Variants in GPC6 observed in about 807,000 individuals in gnomAD.
GPC6 encodes the protein glypican-6.
In GPC6, 14 loss-of-function variants were observed where a neutral mutation model predicts 55.2. The observed-to-expected ratio is 0.25, with a 90% CI of 0.17 to 0.40. The LOEUF (loss-of-function observed/expected upper bound fraction) is 0.40, where lower values mean the gene tolerates loss of function less well. Among genes scored for constraint, GPC6 ranks in the 10% least tolerant of loss-of-function variants. The probability of loss-of-function intolerance (pLI) is 1.00; values close to 1 mark genes in which losing one functional copy is unlikely to be tolerated. For missense variants in GPC6, 641 were observed against 708.5 expected (o/e 0.90, Z 1.08); for synonymous variants, 278 against 259.6 (o/e 1.07, Z -0.68).
chr13:93,432,839 C>T (rs1877412559), intron 1 of GPC6, among the ~76,000 whole-genome samples: 1 of 151,524 alleles, frequency 6.6e-6, no homozygotes, highest in South Asian at 2.1e-4. Flanking sequence ...AGGGTGAGGA[C>T]AGCAAAGACA....
intron 3 of GPC6, 143 bp downstream of exon 3, chr13:93,830,688 A>G (rs1887456920): frequency 1.4e-6 from 1 of 713,004 alleles, no homozygotes; most frequent in African/African-American, 1.8e-5. Context: ...TCAGTTAAAT[A>G]TCAAAGCATA....
intron 6 of GPC6, among the ~76,000 whole-genome samples, chr13:94,362,382 G>A (rs1384107150): frequency 6.6e-6 from 1 of 152,126 alleles, no homozygotes; most frequent in African/African-American, 2.4e-5. Context: ...TTAGAACTAT[G>A]GCCTTAACAT....
chr13:93,769,695 G>A (rs1261304602), intron 2 of GPC6, among the ~76,000 whole-genome samples: 1 of 152,138 alleles, frequency 6.6e-6, no homozygotes, highest in African/African-American at 2.4e-5. Flanking sequence ...TTTATGGGTG[G>A]CTTGGCACCT....
intron 5 of GPC6, among the ~76,000 whole-genome samples, chr13:94,289,411 A>C (rs752731216): frequency 6.6e-6 from 1 of 152,026 alleles, no homozygotes; most frequent in African/African-American, 2.4e-5. Context: ...TTTTTAGGAG[A>C]GTTGGCCTGT....
intron 2 of GPC6, among the ~76,000 whole-genome samples, chr13:93,737,625 A>C (rs1231645311): frequency 6.6e-6 from 1 of 152,184 alleles, no homozygotes; most frequent in Non-Finnish European, 1.5e-5. Context: ...TTACAATAGA[A>C]GATGAGTGAA....
At chr13:93,765,238 G>GGAAAGACAACTTTCCAGATAAGCTGTCTT (rs2138882913) in intron 2 of GPC6, among the ~76,000 whole-genome samples, 1 of 78,326 alleles carries the variant, frequency 1.3e-5, no homozygotes, top group Non-Finnish European at 3.7e-5. Context: ...TAAATTGTCT[G>GGAAAGACAACTTTCCAGATAAGCTGTCTT]GAAAGACAAC....
intron 3 of GPC6, among the ~76,000 whole-genome samples, chr13:93,961,637 T>G (rs895484358): frequency 6.6e-6 from 1 of 152,240 alleles, no homozygotes; most frequent in Non-Finnish European, 1.5e-5. Flanking sequence ...TGCTTTGATT[T>G]GGCCATGATG....
chr13:93,921,649 C>T (rs1877578618), intron 3 of GPC6, among the ~76,000 whole-genome samples: 1 of 151,474 alleles, frequency 6.6e-6, no homozygotes, highest in South Asian at 2.1e-4. Flanking sequence ...TCTACTGTTC[C>T]TCTGCTCTTC....
chr13:93,685,744 A>G (rs1481489272), intron 2 of GPC6, among the ~76,000 whole-genome samples: 1 of 152,126 alleles, frequency 6.6e-6, no homozygotes, highest in East Asian at 1.9e-4. Context: ...AAAAACAAAC[A>G]GCTCTTTTCC....
chr13:93,660,657 A>G lies in GPC6; in HGVS notation c.319+115236A>G, dbSNP rs549482341. Among the ~76,000 whole-genome samples the G allele has an allele frequency of 7.2e-5, 11 of 152,052 alleles. No homozygotes were observed. The South Asian group carries it at 2.3e-3, about 32-fold the overall frequency. On this transcript the variant is annotated intron_variant, in intron 2 of 8. Transcript: ENST00000377047. ...TACATTTTAGAATTCACCTCTGGGA[A>G]ACTCTTCTGTTCTTCTTTAGAGTTG... is the stretch of plus-strand genomic sequence containing the variant.
At chr13:94,329,507 C>A (rs1487534432) in intron 6 of GPC6, among the ~76,000 whole-genome samples, 1 of 152,198 alleles carries the variant, frequency 6.6e-6, no homozygotes, top group African/African-American at 2.4e-5. Flanking sequence ...GGTAGCATGT[C>A]CCAAATTACA....
At chr13:93,541,567 G>A (rs1263213445) in intron 1 of GPC6, among the ~76,000 whole-genome samples, 2 of 79,002 alleles carry the variant, frequency 2.5e-5, no homozygotes, top group African/African-American at 5.0e-5. Context: ...GGGTCAAATG[G>A]TATTTCTAGT....
rs144934894 is a variant in GPC6, at chr13:93,452,479, G to A, written c.161-92784G>A. Among the ~76,000 whole-genome samples the A allele has an allele frequency of 7.6e-4, 116 of 152,224 alleles. 3 individuals carry two copies. Among genetic ancestry groups the A allele is most frequent in the African/African-American group, 4.1e-4 (17 of 41,520 alleles). On this transcript the variant is annotated intron_variant, in intron 1 of 8. Transcript: ENST00000377047. ...AAAATATGATATCTTTTGCTTCAGC[G>A]CTTCTTTGAGAATTACTATCATATT...
chr13:93,457,318 A>C (rs990667819), intron 1 of GPC6, among the ~76,000 whole-genome samples: 2 of 152,150 alleles, frequency 1.3e-5, no homozygotes, highest in Non-Finnish European at 2.9e-5. Flanking sequence ...CCTTATCTTT[A>C]CCCAACTAAT....
At chr13:93,421,174 G>C (rs1173890335) in intron 1 of GPC6, among the ~76,000 whole-genome samples, 1 of 152,064 alleles carries the variant, frequency 6.6e-6, no homozygotes, top group African/African-American at 2.4e-5. Flanking sequence ...CTGTGAGACT[G>C]TTGGGCAAAT....
intron 4 of GPC6, among the ~76,000 whole-genome samples, chr13:94,028,913 C>T (rs543932069): frequency 6.6e-6 from 1 of 152,254 alleles, no homozygotes; most frequent in African/African-American, 2.4e-5. Context: ...AATGTGTTTT[C>T]TCCCCCTCTG....
At chr13:93,511,081 TTC>T (rs1489940744) in intron 1 of GPC6, among the ~76,000 whole-genome samples, 1 of 147,714 alleles carries the variant, frequency 6.8e-6, no homozygotes, top group Non-Finnish European at 1.5e-5. Flanking sequence ...TCCTTGAATA[TTC>T]TGGATGTTAG....
chr13:93,423,053 C>CT (rs201891000), intron 1 of GPC6, among the ~76,000 whole-genome samples: 18,887 of 121,754 alleles, frequency 0.16, 1,254 homozygotes, highest in South Asian at 0.18. Flanking sequence ...GGTCACACCC[C>CT]ACCAGCTCCC....
intron 2 of GPC6, among the ~76,000 whole-genome samples, chr13:93,749,866 C>T (rs1213229056): frequency 6.6e-6 from 1 of 152,068 alleles, no homozygotes; most frequent in Non-Finnish European, 1.5e-5. Context: ...GGATTAAAAT[C>T]ACTATATTTT....
Sources: allele counts gnomAD v4.1 joint callset (sites outside exome capture counted in the v4.1 genomes callset), GRCh38; gene constraint gnomAD v4.1.1; transcripts MANE v1.5; gene names NCBI Gene and HGNC (gene_info 2026-07-23, HGNC 2026-07-21).